The following PPP2R5D variants were observed in gnomAD, a reference collection of about 807,000 sequenced individuals.
PPP2R5D encodes the protein serine/threonine-protein phosphatase 2A 56 kDa regulatory subunit delta isoform.
A neutral mutation model predicts 79.1 loss-of-function variants in PPP2R5D; 12 were observed. The observed-to-expected ratio is 0.15, with a 90% CI of 0.10 to 0.25. The LOEUF is 0.25. PPP2R5D is among the 10% of genes least tolerant of loss of function. The probability of loss-of-function intolerance (pLI) is 1.00; values close to 1 mark genes in which losing one functional copy is unlikely to be tolerated. For missense variants in PPP2R5D, 419 were observed against 760.2 expected (o/e 0.55, Z 5.28); for synonymous variants, 277 against 286.6 (o/e 0.97, Z 0.34).
rs572457121 is a variant in PPP2R5D, at chr6:43,002,383, T to C, written c.106-4080T>C. Among the ~76,000 whole-genome samples, 5 of 152,244 alleles carry C rather than the reference T, an allele frequency of 3.3e-5. No homozygotes were observed. In the South Asian group the frequency reaches 1.0e-3, roughly 32 times the overall value. On this transcript the variant is annotated intron_variant, in intron 2 of 15. Transcript: ENST00000485511. ...TTTCACCATGTTGGCCAGGCTGCTCTCAAACTCCTGACCTCGTGATCCGCC... is the reference window on the plus strand; with the variant it reads ...TTTCACCATGTTGGCCAGGCTGCTCCCAAACTCCTGACCTCGTGATCCGCC...
At chr6:42,990,289 G>A (rs952568099) in intron 2 of PPP2R5D, among the ~76,000 whole-genome samples, 1 of 152,244 alleles carries the variant, frequency 6.6e-6, no homozygotes, top group Non-Finnish European at 1.5e-5. Flanking sequence ...AGTGTGCACA[G>A]TGGGATGCTC....
chr6:43,008,807 T>C lies in PPP2R5D; in HGVS notation c.1080+61T>C, dbSNP rs368746970. On this transcript the variant is annotated intron_variant, in intron 10 of 15. Transcript: ENST00000485511. The surrounding 1 kb of genome is among the most constrained non-coding windows in gnomAD (Gnocchi z 4.2). ...ACTGTCAGCATCACTTGCCAGTCTG[T>C]ACCTACTGGGGGTGCCATAAGGGGG... 7.1e-5 allele frequency: 110 copies of C among 1,549,366 alleles called. 1 individual carries two copies. The East Asian group carries it at 2.0e-3, about 28-fold the overall frequency.
In PPP2R5D at chr6:43,008,846, T is replaced by C; in HGVS notation, c.1080+100T>C. On this transcript the variant is annotated intron_variant, in intron 10 of 15. Coordinates refer to ENST00000485511, the MANE Select transcript of PPP2R5D (RefSeq NM_006245.4). This position sits in a 1 kb window ranked among gnomAD's most constrained non-coding sequence, Gnocchi z 4.2. ...GCCATAAGGGGGAACTCAGGAGGGC[T>C]GTGACCTGACCGGTAACATGGTTTC... The C allele has an allele frequency of 7.2e-7, 1 of 1,387,814 alleles. No homozygotes were observed. The highest frequency in any genetic ancestry group is 1.9e-4 in the Middle Eastern group (1 of 5,160). 86.0% of individuals were successfully genotyped at this position (1,387,814 alleles called of 1,614,324 possible).
Position 43,009,245 on chromosome 6 carries a change from C to T in PPP2R5D, c.1251+18C>T. ...ATTTCCAGGTGAGACTCCAACCTAG[C>T]ATATCCTAGCCCCTGCCAGAAACTG... On this transcript the variant is annotated intron_variant, in intron 11 of 15. Coordinates refer to ENST00000485511, the MANE Select transcript of PPP2R5D (RefSeq NM_006245.4). The surrounding 1 kb of genome is among the most constrained non-coding windows in gnomAD (Gnocchi z 5.6). 2 of 1,614,086 alleles carry T rather than the reference C, an allele frequency of 1.2e-6. No individual in the cohort carries two copies. Among genetic ancestry groups the T allele is most frequent in the Non-Finnish European group, 1.7e-6 (2 of 1,179,996 alleles).
chr6:42,997,334 A>G (rs976608738), intron 2 of PPP2R5D, among the ~76,000 whole-genome samples: 2 of 151,746 alleles, frequency 1.3e-5, no homozygotes, highest in Non-Finnish European at 2.9e-5. Flanking sequence ...CTGGTATTAC[A>G]GGCATGCACC....
At chr6:42,998,056 T>G (rs1771909333) in intron 2 of PPP2R5D, among the ~76,000 whole-genome samples, 1 of 23,330 alleles carries the variant, frequency 4.3e-5, no homozygotes, top group Non-Finnish European at 8.9e-5. Flanking sequence ...TATATATATA[T>G]ATTTTTTTTT....
chr6:42,999,935 C>T (rs992407948), intron 2 of PPP2R5D, among the ~76,000 whole-genome samples: 2 of 151,426 alleles, frequency 1.3e-5, no homozygotes, highest in Non-Finnish European at 2.9e-5. Flanking sequence ...TGATCTAGTC[C>T]TGCCACCTCT....
intron 2 of PPP2R5D, among the ~76,000 whole-genome samples, chr6:42,997,193 T>G (rs1253619840): frequency 6.6e-6 from 1 of 151,506 alleles, no homozygotes; most frequent in Non-Finnish European, 1.5e-5. Flanking sequence ...TTATTTATTT[T>G]TATTTATTTA....
At chr6:42,985,432 C>T (rs1675391304) in intron 1 of PPP2R5D, among the ~76,000 whole-genome samples, 1 of 152,200 alleles carries the variant, frequency 6.6e-6, no homozygotes, top group South Asian at 2.1e-4. Flanking sequence ...TGTCCAAGGT[C>T]ACACAGCCTG....
rs775304123 is a variant in PPP2R5D at position 43,004,080 on chromosome 6, T to C, written c.106-2383T>C. Reference sequence around the variant, plus strand: ...CGCCCAGGCTGGAGCTGGAGTGCAGTGGCATGAGCTCAGCTCACTGCAACG... The same window carrying C: ...CGCCCAGGCTGGAGCTGGAGTGCAGCGGCATGAGCTCAGCTCACTGCAACG... On this transcript the variant is annotated intron_variant, in intron 2 of 15. Coordinates refer to ENST00000485511, the MANE Select transcript of PPP2R5D (RefSeq NM_006245.4). Among the ~76,000 whole-genome samples the C allele has an allele frequency of 3.1e-4, 47 of 151,732 alleles. No homozygotes were observed. The South Asian group carries it at 4.0e-3, about 13-fold the overall frequency.
chr6:42,984,593 A>C lies in PPP2R5D; in HGVS notation c.-85A>C. 1 of 1,496,902 alleles carries C rather than the reference A, an allele frequency of 6.7e-7. No homozygotes were observed. The highest frequency in any genetic ancestry group is 8.9e-7 in the Non-Finnish European group (1 of 1,124,590). The allele number at this position is 1,496,902 out of a possible 1,614,324, so 92.7% of individuals were successfully genotyped here. A position where few individuals can be genotyped will look rare whatever the true frequency, so the allele number is the denominator to read the frequency against. On this transcript the variant is annotated 5_prime_UTR_variant, in exon 1 of 16. Transcript: ENST00000485511. The stretch of plus-strand genomic sequence containing the variant: ...GCGCAGCGCGCAGGCGGTGGCGAAG[A>C]GACGCCGAGCGGGCCGAGTGCGGCC...
Position 43,007,910 on chromosome 6 carries a change from T to C in PPP2R5D, c.727-25T>C. ...CTTCCCTGGCTGCTGCCTCACTGGC[T>C]GCTTTCCCTCCCTTGTACCCCCAGC... On this transcript the variant is annotated intron_variant, in intron 6 of 15. Coordinates refer to ENST00000485511, the MANE Select transcript of PPP2R5D (RefSeq NM_006245.4). The surrounding 1 kb of genome is among the most constrained non-coding windows in gnomAD (Gnocchi z 4.5). 1 of 1,612,614 alleles carries C rather than the reference T, an allele frequency of 6.2e-7. No individual in the cohort carries two copies.
intron 2 of PPP2R5D, among the ~76,000 whole-genome samples, chr6:42,995,126 CTTTTTTTTTTT>C (rs889250251): frequency 1.9e-5 from 2 of 106,366 alleles, no homozygotes; most frequent in African/African-American, 4.2e-5. Flanking sequence ...CTTTTTCTTT[CTTTTTTTTTTT>C]TTTTTTTTTT....
Position 43,011,235 on chromosome 6 carries a change from G to A in PPP2R5D, c.1758G>A (p.Glu586=), listed in dbSNP as rs1481463022. 9 of 1,614,030 alleles carry A rather than the reference G, an allele frequency of 5.6e-6. No individual in the cohort carries two copies. In the Admixed American group the frequency reaches 1.5e-4, roughly 27 times the overall value. Reference sequence around the variant, plus strand: ...ACGTGTACACCATCAAGGCACTGGAGGCGCACAAGCGGGCGGAAGAGTTCC... The same window carrying A: ...ACGTGTACACCATCAAGGCACTGGAAGCGCACAAGCGGGCGGAAGAGTTCC... ...PQDVYTIKAL[E]AHKRAEEFLT... The change falls in exon 16 of 16, where the codon GAG becomes GAA. Residue 586 remains glutamate, a synonymous_variant. Transcript: ENST00000485511.
chr6:43,003,312 C>T (rs1376730751), intron 2 of PPP2R5D, among the ~76,000 whole-genome samples: 1 of 152,080 alleles, frequency 6.6e-6, no homozygotes, highest in African/African-American at 2.4e-5. Context: ...ATCCCAGCTA[C>T]TCGGGAGGCT....
At chr6:43,003,789 C>G in intron 2 of PPP2R5D, among the ~76,000 whole-genome samples, 1 of 152,110 alleles carries the variant, frequency 6.6e-6, no homozygotes, top group Non-Finnish European at 1.5e-5. Context: ...GGCTGGAGTG[C>G]AGTGGCGTGA....
At position 43,012,166 on chromosome 6, in the gene PPP2R5D, T is replaced by A. The variant is rs1165667772; in HGVS notation, c.*880T>A. 2.8e-6 allele frequency: 3 copies of A among 1,087,686 alleles called. No individual in the cohort carries two copies. Among genetic ancestry groups the A allele is most frequent in the South Asian group, 4.3e-5 (1 of 23,224 alleles). The allele number at this position is 1,087,686 out of a possible 1,614,324, so 67.4% of individuals were successfully genotyped here. A position where few individuals can be genotyped will look rare whatever the true frequency, so the allele number is the denominator to read the frequency against. On this transcript the variant is annotated 3_prime_UTR_variant, in exon 16 of 16. Transcript: ENST00000485511. ...CCTTCTCTTGTCCCTTATAGGTACC[T>A]TGGAGGGGCCAGGGGCTGAGGAAGG...
chr6:43,000,383 G>A (rs149359490), intron 2 of PPP2R5D, among the ~76,000 whole-genome samples: 3,854 of 151,288 alleles, frequency 0.025, 98 homozygotes, highest in Middle Eastern at 0.031. Context: ...GGCTACAGGC[G>A]TGCACCACCA....
chr6:42,992,986 C>G (rs946616282), intron 2 of PPP2R5D, among the ~76,000 whole-genome samples: 3 of 151,656 alleles, frequency 2.0e-5, no homozygotes, highest in African/African-American at 4.8e-5. Flanking sequence ...CATGGTAAAA[C>G]ACTGTCTCTA....
Sources: allele counts gnomAD v4.1 joint callset (sites outside exome capture counted in the v4.1 genomes callset), GRCh38; gene constraint gnomAD v4.1.1; non-coding constraint Gnocchi (gnomAD v3.1); transcripts MANE v1.5; gene names NCBI Gene and HGNC (gene_info 2026-07-23, HGNC 2026-07-21).